SPTBN1: variants seen among roughly 807,000 people sequenced by gnomAD.
The protein encoded by SPTBN1 is spectrin beta chain, non-erythrocytic 1.
A neutral mutation model predicts 266.4 loss-of-function variants in SPTBN1; 32 were observed. That is an observed-to-expected ratio of 0.12 (90% CI 0.09 to 0.16). The LOEUF is 0.16. Among genes scored for constraint, SPTBN1 ranks in the 10% least tolerant of loss-of-function variants. The pLI is 1.00. For missense variants in SPTBN1, 2,296 were observed against 3,067.1 expected (o/e 0.75, Z 5.94); for synonymous variants, 1,336 against 1,162.2 (o/e 1.15, Z -3.04).
In SPTBN1 at chr2:54,558,795, C is replaced by T. The variant is rs745919159; in HGVS notation, c.148+32229C>T. ...CCGGGCATAATGGAATTGCAGAGGA[C>T]GTCTAGTATCTCCGGGCCGCTGTCG... On this transcript the variant is annotated intron_variant, in intron 2 of 35. Coordinates refer to ENST00000356805, the MANE Select transcript of SPTBN1 (RefSeq NM_003128.3). This position sits in a 1 kb window ranked among gnomAD's most constrained non-coding sequence, Gnocchi z 4.6. 3 of 1,613,428 alleles carry T rather than the reference C, an allele frequency of 1.9e-6. No homozygotes were observed. Among genetic ancestry groups the T allele is most frequent in the South Asian group, 1.1e-5 (1 of 91,018 alleles).
intron 2 of SPTBN1, among the ~76,000 whole-genome samples, chr2:54,583,111 C>A (rs886221783): frequency 6.6e-6 from 1 of 151,972 alleles, no homozygotes; most frequent in Non-Finnish European, 1.5e-5. Flanking sequence ...GGATGAACCC[C>A]CATTTGCCTC....
intron 6 of SPTBN1, 98 bp from the exon 7 acceptor site, chr2:54,617,980 T>G (rs12713273): frequency 0.19 from 182,388 of 936,302 alleles, 20,066 homozygotes; most frequent in African/African-American, 0.42. Context: ...CTCCACTAAT[T>G]GGTGATTTTA....
chr2:54,515,097 G>A (rs1372879239), intron 1 of SPTBN1, among the ~76,000 whole-genome samples: 5 of 152,052 alleles, frequency 3.3e-5, no homozygotes, highest in South Asian at 4.2e-4. Flanking sequence ...CCCTGTCCTC[G>A]ATGGATCATT....
In SPTBN1 at chr2:54,644,343, A is replaced by C; in HGVS notation, c.4026A>C (p.Ser1342=). The change falls in exon 20 of 36, where the codon TCA becomes TCC. Residue 1342 remains serine (S), a synonymous_variant. Coordinates refer to ENST00000356805, the MANE Select transcript of SPTBN1 (RefSeq NM_003128.3). The stretch of plus-strand genomic sequence containing the variant: ...TCCAGGAAGGAATGCAGCTCATTTC[A>C]GAAAAGCCTGAGACGGAAGCTGTGG... The part of the protein sequence containing the change: ...KIEKEGMQLI[S]EKPETEAVVK... 6.2e-7 allele frequency: 1 copy of C among 1,610,710 alleles called. No individual in the cohort carries two copies. The highest frequency in any genetic ancestry group is 8.5e-7 in the Non-Finnish European group (1 of 1,176,958).
At chr2:54,487,670 T>C (rs1348724144) in intron 1 of SPTBN1, among the ~76,000 whole-genome samples, 1 of 150,812 alleles carries the variant, frequency 6.6e-6, no homozygotes, top group African/African-American at 2.4e-5. Context: ...GCTTTTCTAG[T>C]GTTACAATAA....
intron 10 of SPTBN1, among the ~76,000 whole-genome samples, chr2:54,623,883 G>A (rs1678154891): frequency 6.6e-6 from 1 of 152,206 alleles, no homozygotes. Context: ...CTCATCTGAG[G>A]CAATTGTTTC....
At chr2:54,559,298 T>G (rs1162197415) in intron 2 of SPTBN1, among the ~76,000 whole-genome samples, 1 of 152,160 alleles carries the variant, frequency 6.6e-6, no homozygotes, top group Non-Finnish European at 1.5e-5. Flanking sequence ...TCAGACCCAG[T>G]CCTGTAGAAC....
At position 54,632,763 on chromosome 2, in the gene SPTBN1, T is replaced by C; in HGVS notation, c.3762T>C (p.Asp1254=). 1.2e-6 allele frequency: 2 copies of C among 1,614,150 alleles called. No individual in the cohort carries two copies. The highest frequency in any genetic ancestry group is 1.7e-6 in the Non-Finnish European group (2 of 1,180,034). ...TCCAGGAGAAGGTGGACTCTATTGATGACAGGTACAGTTTTCTGAGGTTCT... is the reference window on the plus strand; with the variant it reads ...TCCAGGAGAAGGTGGACTCTATTGACGACAGGTACAGTTTTCTGAGGTTCT... ...DRIQEKVDSI[D]DRHRKNRETA... is the part of the protein sequence containing the mutation. Residue 1254 remains aspartate, a synonymous_variant, in exon 17 of 36, where the codon GAT becomes GAC. Transcript: ENST00000356805.
rs1380865000 is a variant in SPTBN1, at chr2:54,667,645, A to G, written c.6875A>G (p.Asp2292Gly). 1 of 1,613,742 alleles carries G rather than the reference A, an allele frequency of 6.2e-7. No individual in the cohort carries two copies. ...GAGTACCTCTTCCAAGCCAAAGACG[A>G]TGTAAGTTTCTAAATGTTATTTCTC... is the stretch of plus-strand genomic sequence containing the variant. ...GNEYLFQAKD[D>G]EEMNTWIQAI... is the part of the protein sequence containing the mutation. The change falls in exon 35 of 36, where the codon GAT becomes GGT. Residue 2292 changes from aspartate to glycine, a missense_variant and splice_region_variant. By Grantham distance (94) the Asp-to-Gly change is moderately conservative. Coordinates refer to ENST00000356805, the MANE Select transcript of SPTBN1 (RefSeq NM_003128.3).
At chr2:54,576,833 G>GAAT (rs1259941640) in intron 2 of SPTBN1, among the ~76,000 whole-genome samples, 1 of 152,206 alleles carries the variant, frequency 6.6e-6, no homozygotes, top group East Asian at 1.9e-4. Context: ...TTCTGAAAGG[G>GAAT]AATACTAGGT....
Position 54,526,493 on chromosome 2 carries a change from G to T in SPTBN1, c.75G>T (p.Trp25Cys). ...QQQYSDVNNR[W>C]DVDDWDNENS... ...AGTACAGTGATGTCAACAACCGCTG[G>T]GATGTCGACGACTGGGACAATGAGA... Residue 25 changes from tryptophan (W) to cysteine (C), a missense_variant, in exon 2 of 36, where the codon TGG (tryptophan) becomes TGT (cysteine). By Grantham distance (215) the Trp-to-Cys change is radical (BLOSUM62 -2). This residue lies in a region of SPTBN1 where 178 missense variants were observed against 375.7 expected (regional missense o/e 0.47). Coordinates refer to ENST00000356805, the MANE Select transcript of SPTBN1 (RefSeq NM_003128.3). 2 of 1,614,162 alleles carry T rather than the reference G, an allele frequency of 1.2e-6. No individual in the cohort carries two copies. Among genetic ancestry groups the T allele is most frequent in the Non-Finnish European group, 1.7e-6 (2 of 1,180,038 alleles).
chr2:54,580,488 G>A (rs985802778), intron 2 of SPTBN1, among the ~76,000 whole-genome samples: 4 of 152,040 alleles, frequency 2.6e-5, no homozygotes, highest in African/African-American at 9.7e-5. Flanking sequence ...ACAATTTGAA[G>A]CACAGGTCTT....
chr2:54,573,390 G>A (rs1674226340), intron 2 of SPTBN1, among the ~76,000 whole-genome samples: 1 of 152,206 alleles, frequency 6.6e-6, no homozygotes, highest in Admixed American at 6.5e-5. Flanking sequence ...CACAGTTCAT[G>A]ATAGGGTTTG....
At chr2:54,518,466 A>AAAG (rs1553438442) in intron 1 of SPTBN1, among the ~76,000 whole-genome samples, 6 of 151,528 alleles carry the variant, frequency 4.0e-5, no homozygotes, top group Non-Finnish European at 7.4e-5. Flanking sequence ...AAAAAAAAAA[A>AAAG]AAAGAAACAG....
At chr2:54,568,522 ATAGT>A (rs1169785137) in intron 2 of SPTBN1, among the ~76,000 whole-genome samples, 8 of 152,140 alleles carry the variant, frequency 5.3e-5, no homozygotes, top group Non-Finnish European at 1.2e-4. Context: ...CTTGAGTATA[ATAGT>A]TAATTAAAGG....
chr2:54,465,640 A>ATATATATATATATATATATATATATG, intron 1 of SPTBN1, among the ~76,000 whole-genome samples: 2 of 3,172 alleles, frequency 6.3e-4, no homozygotes, highest in Non-Finnish European at 1.4e-3. Context: ...TGTTTATCTC[A>ATATATATATATATATATATATATATG]TATATATATA....
At chr2:54,496,966 C>T (rs951232624) in intron 1 of SPTBN1, among the ~76,000 whole-genome samples, 4 of 152,208 alleles carry the variant, frequency 2.6e-5, no homozygotes, top group Non-Finnish European at 5.9e-5. Flanking sequence ...AATTTTGGTA[C>T]ATCCATATTG....
intron 7 of SPTBN1, among the ~76,000 whole-genome samples, chr2:54,619,134 A>G (rs553697895): frequency 6.6e-5 from 10 of 152,318 alleles, no homozygotes; most frequent in African/African-American, 1.9e-4. Flanking sequence ...AAGTTCTTTT[A>G]AATATAGAAC....
intron 3 of SPTBN1, among the ~76,000 whole-genome samples, chr2:54,602,229 C>T (rs1676542752): frequency 1.3e-5 from 2 of 152,180 alleles, no homozygotes; most frequent in African/African-American, 4.8e-5. Context: ...TACAGACCCA[C>T]CCTTTACTTT....
Sources: gnomAD v4.1 joint callset for allele counts (sites outside exome capture counted in the v4.1 genomes callset) on GRCh38, gnomAD v4.1.1 for gene constraint, gnomAD v4.1.1 regional missense constraint, Gnocchi (gnomAD v3.1) non-coding constraint, MANE v1.5 for transcripts, NCBI Gene and HGNC (gene_info 2026-07-23, HGNC 2026-07-21) for gene names.